Variants in PHF19 observed in about 807,000 individuals in gnomAD.
PHF19 encodes the protein polycomb like 3.
In PHF19, 21 loss-of-function variants were observed where a neutral mutation model predicts 79.8. The ratio of observed to expected loss-of-function variants is 0.26; its 90% CI spans 0.19 to 0.38. The LOEUF (loss-of-function observed/expected upper bound fraction) is 0.38, where lower values mean the gene tolerates loss of function less well. Ranked by LOEUF, PHF19 falls within the 10% of genes least tolerant of loss-of-function variation. The pLI, the probability that PHF19 is intolerant of heterozygous loss-of-function variation, is 1.00. For synonymous variants in PHF19, 273 were observed against 296.3 expected, an observed-to-expected ratio of 0.92 and a Z score of 0.81; for missense variants, 445 against 744.2, an observed-to-expected ratio of 0.60 and a Z score of 4.68.
At chr9:120,896,644 G>A (rs1032028810), upstream of PHF19, among the ~76,000 whole-genome samples, 4 of 151,654 alleles carry the variant, frequency 2.6e-5, no homozygotes, top group South Asian at 2.1e-4. Flanking sequence ...TAGTAGAGAC[G>A]GGGTTTCACC....
the PHF19 span, among the ~76,000 whole-genome samples, chr9:120,902,190 G>A: frequency 2.6e-5 from 4 of 152,076 alleles, no homozygotes; most frequent in Admixed American, 6.5e-5. Flanking sequence ...AACCCCCTGC[G>A]GAGACTTCAT....
chr9:120,865,569 G>A, intron 9 of PHF19, 141 bp downstream of exon 9: 2 of 1,070,992 alleles, frequency 1.9e-6, no homozygotes, highest in Non-Finnish European at 1.3e-6. Flanking sequence ...GGCCCTTAAA[G>A]GACACAAGAT....
At chr9:120,867,052 C>A in intron 6 of PHF19, 87 bp from the exon 7 acceptor site, 1 of 761,822 alleles carries the variant, frequency 1.3e-6, no homozygotes, top group South Asian at 1.4e-5. Context: ...TTAAATTTGC[C>A]CTCCACTGGC....
rs1415090537 is a variant in PHF19 at position 120,862,021 on chromosome 9, A to G, written c.1131-16T>C. ...AGGCAACAAACTGTGGAGACAGAAG[A>G]GGGAGAAGGTGGCCCCGTCAGAGCC... On this transcript the variant is annotated splice_polypyrimidine_tract_variant and intron_variant, in intron 11 of 14. Coordinates refer to ENST00000373896, the MANE Select transcript of PHF19 (RefSeq NM_015651.3). This position sits in a 1 kb window ranked among gnomAD's most constrained non-coding sequence, Gnocchi z 4.6. The G allele has an allele frequency of 6.2e-7, 1 of 1,601,700 alleles. No homozygotes were observed. The highest frequency in any genetic ancestry group is 2.2e-5 in the East Asian group (1 of 44,828).
intron 9 of PHF19, among the ~76,000 whole-genome samples, chr9:120,864,968 A>G (rs2045655651): frequency 6.6e-6 from 1 of 152,214 alleles, no homozygotes; most frequent in Non-Finnish European, 1.5e-5. Context: ...AAAATTAGAA[A>G]AAAGTTACTA....
chr9:120,864,021 C>T (rs941638081), intron 10 of PHF19, 28 bp downstream of exon 10: 1 of 1,599,620 alleles, frequency 6.3e-7, no homozygotes, highest in African/African-American at 1.3e-5. Flanking sequence ...GAGGGCCCCA[C>T]CACACTCCCT....
At position 120,862,449 on chromosome 9, in the gene PHF19, G is replaced by C; in HGVS notation, c.1130+139C>G. ...GAAAGGAGTTGGGGATCTGGGATCT[G>C]GGATCCCGCTCAGCCACTATCTAGC... On this transcript the variant is annotated intron_variant, in intron 11 of 14. Transcript: ENST00000373896. This position sits in a 1 kb window ranked among gnomAD's most constrained non-coding sequence, Gnocchi z 4.6. 1 of 688,886 alleles carries C rather than the reference G, an allele frequency of 1.5e-6. No homozygotes were observed. Among genetic ancestry groups the C allele is most frequent in the Non-Finnish European group, 2.5e-6 (1 of 404,782 alleles). The allele number at this position is 688,886 out of a possible 1,614,324, so 42.7% of individuals were successfully genotyped here. A position where few individuals can be genotyped will look rare whatever the true frequency, so the allele number is the denominator to read the frequency against.
the PHF19 span, among the ~76,000 whole-genome samples, chr9:120,901,762 T>C: frequency 3.2e-4 from 49 of 152,270 alleles, 1 homozygote; most frequent in African/African-American, 1.2e-3. Flanking sequence ...TGTTAAGTGA[T>C]GAGGATCAGA....
rs1247293641 is a variant in PHF19 at position 120,855,783 on chromosome 9, G to GT, written c.*2160dup. On this transcript the variant is annotated 3_prime_UTR_variant, in exon 15 of 15. Transcript: ENST00000373896. ...CAGAGGGTTATAAGGTCAGTTGGCA[G>GT]TAATGCAGCTATTATCTGGTATGAA... The GT allele has an allele frequency of 1.3e-5, 2 of 152,702 alleles. No individual in the cohort carries two copies. Among genetic ancestry groups the GT allele is most frequent in the African/African-American group, 4.8e-5 (2 of 41,466 alleles). The allele number at this position is 152,702 out of a possible 1,614,324, so 9.5% of individuals were successfully genotyped here.
chr9:120,882,846 A>AG (rs2046206856), intron 1 of PHF19, among the ~76,000 whole-genome samples: 1 of 151,022 alleles, frequency 6.6e-6, no homozygotes, highest in Non-Finnish European at 1.5e-5. Flanking sequence ...CCATCTCAAA[A>AG]AAAAAAAAAA....
At chr9:120,864,487 A>G (rs2045636360) in intron 9 of PHF19, among the ~76,000 whole-genome samples, 1 of 152,236 alleles carries the variant, frequency 6.6e-6, no homozygotes, top group South Asian at 2.1e-4. Context: ...AATGGGAAAG[A>G]AACTGCCCAA....
chr9:120,896,856 C>T (rs904181056), upstream of PHF19, among the ~76,000 whole-genome samples: 1 of 152,198 alleles, frequency 6.6e-6, no homozygotes. Flanking sequence ...CCTTCCAAAT[C>T]GATTGTTTCC....
In PHF19 at chr9:120,860,380, C is replaced by T. The variant is rs890413036; in HGVS notation, c.1305-195G>A. On this transcript the variant is annotated intron_variant, in intron 13 of 14. Coordinates refer to ENST00000373896, the MANE Select transcript of PHF19 (RefSeq NM_015651.3). This position sits in a 1 kb window ranked among gnomAD's most constrained non-coding sequence, Gnocchi z 4.1. ...AAGTCCAAGAAGTCAAAAAAACCTC[C>T]TGGAGCACCCTCCCCTGGCGGTGAC... is the stretch of plus-strand genomic sequence containing the variant. 1.1e-5 allele frequency: 6 copies of T among 564,370 alleles called. No homozygotes were observed. The highest frequency in any genetic ancestry group is 9.9e-5 in the South Asian group (5 of 50,346). 35.0% of individuals were successfully genotyped at this position (564,370 alleles called of 1,614,324 possible).
At chr9:120,885,976 C>G (rs1367354349) in intron 1 of PHF19, among the ~76,000 whole-genome samples, 1 of 152,212 alleles carries the variant, frequency 6.6e-6, no homozygotes, top group Admixed American at 6.5e-5. Flanking sequence ...AGAAGGAACT[C>G]TCACGTCTGG....
chr9:120,902,144 C>T, the PHF19 span, among the ~76,000 whole-genome samples: 1 of 152,198 alleles, frequency 6.6e-6, no homozygotes, highest in Non-Finnish European at 1.5e-5. Flanking sequence ...AATGGCTTCC[C>T]GTTGCCAACT....
At chr9:120,864,972 G>T (rs1169817786) in intron 9 of PHF19, among the ~76,000 whole-genome samples, 3 of 151,400 alleles carry the variant, frequency 2.0e-5, no homozygotes, top group South Asian at 2.1e-4. Context: ...TTAGAAAAAA[G>T]TTACTAAAAA....
At chr9:120,898,013 CTCTT>C (rs2046416084), upstream of PHF19, among the ~76,000 whole-genome samples, 1 of 149,572 alleles carries the variant, frequency 6.7e-6, no homozygotes, top group African/African-American at 2.4e-5. Flanking sequence ...ATATTAAATT[CTCTT>C]TCTGATACTA....
upstream of PHF19, among the ~76,000 whole-genome samples, chr9:120,897,265 G>T (rs993636499): frequency 2.6e-5 from 4 of 152,210 alleles, no homozygotes; most frequent in Non-Finnish European, 5.9e-5. Flanking sequence ...GTGCTGAGGC[G>T]GCAAGTGCTA....
intron 1 of PHF19, among the ~76,000 whole-genome samples, chr9:120,887,136 A>G (rs1420366325): frequency 6.6e-6 from 1 of 152,042 alleles, no homozygotes; most frequent in Non-Finnish European, 1.5e-5. Flanking sequence ...GGCCACAGCC[A>G]ATCAGTGGAA....
Sources: allele counts gnomAD v4.1 joint callset (sites outside exome capture counted in the v4.1 genomes callset), GRCh38; gene constraint gnomAD v4.1.1; non-coding constraint Gnocchi (gnomAD v3.1); transcripts MANE v1.5; gene names NCBI Gene and HGNC (gene_info 2026-07-23, HGNC 2026-07-21).